LPAR3: variants seen among roughly 807,000 people sequenced by gnomAD.
LPAR3 encodes the protein LPA receptor 3.
Under a neutral mutation model 17.8 loss-of-function variants are expected in LPAR3, and 7 were observed. That is an observed-to-expected ratio of 0.39 (90% CI 0.22 to 0.74). The LOEUF (loss-of-function observed/expected upper bound fraction) is 0.74. Ranked by LOEUF, LPAR3 falls within the 30% of genes least tolerant of loss-of-function variation. The pLI, the probability that LPAR3 is intolerant of heterozygous loss-of-function variation, is 0.40. For synonymous variants in LPAR3, 179 were observed against 179.9 expected (o/e 0.99, Z 0.04); for missense variants, 391 against 453.4 (o/e 0.86, Z 1.25).
chr1:84,877,843 C>A (rs1360393048), intron 1 of LPAR3, among the ~76,000 whole-genome samples: 2 of 152,160 alleles, frequency 1.3e-5, no homozygotes, highest in Admixed American at 1.3e-4. Flanking sequence ...GATTGTGCCC[C>A]TCATGTCCAG....
chr1:84,885,820 A>G (rs1660450156), intron 1 of LPAR3, among the ~76,000 whole-genome samples: 1 of 152,228 alleles, frequency 6.6e-6, no homozygotes, highest in East Asian at 1.9e-4. Flanking sequence ...GCAAATAAGC[A>G]AAAATATTGA....
At chr1:84,879,152 G>A (rs1413329002) in intron 1 of LPAR3, among the ~76,000 whole-genome samples, 1 of 151,984 alleles carries the variant, frequency 6.6e-6, no homozygotes, top group African/African-American at 2.4e-5. Flanking sequence ...TGCAATGGGT[G>A]GTATGACACT....
intron 1 of LPAR3, among the ~76,000 whole-genome samples, chr1:84,871,814 C>G (rs1660162565): frequency 6.6e-6 from 1 of 152,108 alleles, no homozygotes; most frequent in African/African-American, 2.4e-5. Context: ...AAGACTTTTC[C>G]CCAAGATACC....
intron 2 of LPAR3, among the ~76,000 whole-genome samples, chr1:84,848,356 G>T (rs1279378815): frequency 6.6e-6 from 1 of 152,188 alleles, no homozygotes; most frequent in Non-Finnish European, 1.5e-5. Context: ...AATAACAGAA[G>T]TACAGAATCC....
At chr1:84,888,175 CACACAGAG>C (rs775124112) in intron 1 of LPAR3, among the ~76,000 whole-genome samples, 10 of 90,634 alleles carry the variant, frequency 1.1e-4, no homozygotes, top group South Asian at 2.9e-4. Flanking sequence ...CACACACACA[CACACAGAG>C]AGAGGCAGAG....
intron 2 of LPAR3, among the ~76,000 whole-genome samples, chr1:84,824,417 C>T (rs1659113055): frequency 6.6e-6 from 1 of 152,166 alleles, no homozygotes; most frequent in Admixed American, 6.5e-5. Context: ...GAATCTCTTG[C>T]AGCACAATGC....
At chr1:84,854,611 C>T (rs556155130) in intron 2 of LPAR3, among the ~76,000 whole-genome samples, 1 of 152,336 alleles carries the variant, frequency 6.6e-6, no homozygotes, top group Admixed American at 6.5e-5. Flanking sequence ...CACAGATTCA[C>T]AGTGCCTTCA....
intron 2 of LPAR3, among the ~76,000 whole-genome samples, chr1:84,846,814 G>A (rs1050164489): frequency 9.2e-5 from 14 of 151,892 alleles, no homozygotes; most frequent in Non-Finnish European, 5.9e-5. Context: ...AGAAGAACAA[G>A]ACAATGACAA....
intron 2 of LPAR3, among the ~76,000 whole-genome samples, chr1:84,856,857 T>C (rs1659840499): frequency 6.6e-6 from 1 of 152,338 alleles, no homozygotes; most frequent in East Asian, 1.9e-4. Context: ...TAATGTTTTA[T>C]TCATAAATGT....
intron 2 of LPAR3, among the ~76,000 whole-genome samples, chr1:84,843,948 C>A (rs945360433): frequency 1.3e-5 from 2 of 152,196 alleles, no homozygotes; most frequent in Non-Finnish European, 2.9e-5. Flanking sequence ...TCTAAAGCAG[C>A]CTCCCTACCT....
chr1:84,860,734 A>ATTTTT (rs35354113), intron 2 of LPAR3, among the ~76,000 whole-genome samples: 23 of 113,546 alleles, frequency 2.0e-4, no homozygotes, highest in Admixed American at 3.8e-4. Flanking sequence ...TTAGGATTTA[A>ATTTTT]TTTTTTTTTT....
rs67024653 is a variant in LPAR3 at position 84,821,085 on chromosome 1, C to CTT, written c.737-6916_737-6915dup. ...ACACTATTTCTTACTGTGGGTACTG[C>CTT]TTTTTTTTTTTTTTTAAAGTTTGAA... On this transcript the variant is annotated intron_variant, in intron 2 of 2. Transcript: ENST00000370611. 2.0e-4 allele frequency among the ~76,000 whole-genome samples: 28 copies of CTT among 136,736 alleles called. 1 individual carries two copies. Among genetic ancestry groups the CTT allele is most frequent in the African/African-American group, 7.3e-4 (27 of 37,228 alleles). 89.7% of individuals were successfully genotyped at this position (136,736 alleles called of 152,430 possible).
intron 2 of LPAR3, among the ~76,000 whole-genome samples, chr1:84,819,575 C>T (rs879803057): frequency 2.6e-5 from 4 of 152,022 alleles, no homozygotes; most frequent in Admixed American, 6.6e-5. Context: ...GCCATATAGA[C>T]TTAGCAAAAA....
intron 2 of LPAR3, among the ~76,000 whole-genome samples, chr1:84,861,085 G>A (rs1432422100): frequency 2.0e-5 from 3 of 152,138 alleles, no homozygotes; most frequent in African/African-American, 7.2e-5. Flanking sequence ...GTATCAAGGA[G>A]TAAATGGAAA....
chr1:84,818,375 G>T (rs1470356367), intron 2 of LPAR3, among the ~76,000 whole-genome samples: 1 of 152,002 alleles, frequency 6.6e-6, no homozygotes, highest in African/African-American at 2.4e-5. Flanking sequence ...TTTGTGCTGG[G>T]GAGAAAACTT....
chr1:84,817,684 C>T (rs541203409), intron 2 of LPAR3, among the ~76,000 whole-genome samples: 57 of 152,070 alleles, frequency 3.7e-4, no homozygotes, highest in African/African-American at 1.4e-3. Context: ...AAGATGAGAT[C>T]AGCAGATTTT....
intron 2 of LPAR3, among the ~76,000 whole-genome samples, chr1:84,852,877 T>C (rs147301306): frequency 1.0e-3 from 152 of 152,246 alleles, no homozygotes; most frequent in Non-Finnish European, 1.5e-3. Context: ...CAATGGTGGC[T>C]TAATCAAACA....
intron 2 of LPAR3, among the ~76,000 whole-genome samples, chr1:84,823,882 T>C (rs762983650): frequency 2.0e-5 from 3 of 152,212 alleles, no homozygotes; most frequent in Non-Finnish European, 4.4e-5. Flanking sequence ...TTGCCTGGTA[T>C]AATCTTAAAG....
At chr1:84,855,620 C>T (rs1659802072) in intron 2 of LPAR3, among the ~76,000 whole-genome samples, 1 of 152,174 alleles carries the variant, frequency 6.6e-6, no homozygotes, top group African/African-American at 2.4e-5. Context: ...AAGAAGGGGG[C>T]ATGAGAGGGG....
Sources: gnomAD v4.1 joint callset for allele counts (sites outside exome capture counted in the v4.1 genomes callset) on GRCh38, gnomAD v4.1.1 for gene constraint, MANE v1.5 for transcripts, NCBI Gene and HGNC (gene_info 2026-07-23, HGNC 2026-07-21) for gene names.